Variants in ARHGAP26 observed in about 807,000 individuals in gnomAD.
The protein encoded by ARHGAP26 is Rho GTPase activating protein 26.
A neutral mutation model predicts 104.8 loss-of-function variants in ARHGAP26; 38 were observed. The ratio of observed to expected loss-of-function variants is 0.36; its 90% CI spans 0.28 to 0.48. ARHGAP26 has a LOEUF of 0.48. Among genes scored for constraint, ARHGAP26 ranks in the 20% least tolerant of loss-of-function variants. The pLI is 0.99. For missense variants in ARHGAP26, 704 were observed against 947.9 expected, an observed-to-expected ratio of 0.74 and a Z score of 3.38; for synonymous variants, 341 against 340.0, an observed-to-expected ratio of 1.00 and a Z score of -0.03.
chr5:143,166,220 C>A, intron 20 of ARHGAP26: 2 of 610,568 alleles, frequency 3.3e-6, no homozygotes, highest in Non-Finnish European at 2.3e-6. Context: ...CAAAAGCTCT[C>A]TGAGTAGCCG....
intron 22 of ARHGAP26, among the ~76,000 whole-genome samples, chr5:143,220,974 T>C (rs1185109316): frequency 6.6e-6 from 1 of 152,210 alleles, no homozygotes; most frequent in Non-Finnish European, 1.5e-5. Flanking sequence ...GTCATTTAAT[T>C]AGCCCAGGAA....
At chr5:142,997,040 A>G (rs1043844626) in intron 11 of ARHGAP26, among the ~76,000 whole-genome samples, 3 of 152,180 alleles carry the variant, frequency 2.0e-5, no homozygotes, top group Admixed American at 6.5e-5. Flanking sequence ...ACTGAACTCT[A>G]TTGTAGCACA....
chr5:143,103,294 A>G (rs1234994193), intron 17 of ARHGAP26: 1 of 950,572 alleles, frequency 1.1e-6, no homozygotes, highest in Admixed American at 6.2e-5. Context: ...TCAGGAAACA[A>G]CAGATGCTGG....
intron 11 of ARHGAP26, among the ~76,000 whole-genome samples, chr5:142,981,807 C>T (rs1399897851): frequency 1.3e-5 from 2 of 152,236 alleles, no homozygotes; most frequent in African/African-American, 4.8e-5. Context: ...GGTACCACCA[C>T]ACCCAAAGCC....
chr5:142,959,679 C>G (rs1769883118), intron 11 of ARHGAP26, among the ~76,000 whole-genome samples: 1 of 152,208 alleles, frequency 6.6e-6, no homozygotes, highest in South Asian at 2.1e-4. Context: ...AGAAAACTTC[C>G]TGCTTTTAAA....
At chr5:142,900,363 G>C (rs1598152706) in intron 6 of ARHGAP26, among the ~76,000 whole-genome samples, 2 of 152,152 alleles carry the variant, frequency 1.3e-5, no homozygotes, top group East Asian at 3.8e-4. Flanking sequence ...GGTGCCACTG[G>C]ATAGTTTTAT....
chr5:142,941,664 T>G (rs1044965320), intron 11 of ARHGAP26, among the ~76,000 whole-genome samples: 20 of 152,242 alleles, frequency 1.3e-4, no homozygotes, highest in African/African-American at 4.8e-4. Context: ...TAATATTCAC[T>G]TATGTCCTTG....
intron 12 of ARHGAP26, among the ~76,000 whole-genome samples, chr5:143,015,882 T>C (rs1053398106): frequency 4.6e-5 from 7 of 152,236 alleles, no homozygotes; most frequent in African/African-American, 1.7e-4. Flanking sequence ...CCCAACTGGT[T>C]CTGACATTTC....
chr5:143,159,170 C>T (rs182325539), intron 20 of ARHGAP26, among the ~76,000 whole-genome samples: 1 of 152,280 alleles, frequency 6.6e-6, no homozygotes, highest in East Asian at 1.9e-4. Flanking sequence ...ACAGCCAGAC[C>T]TTTCAGAAAT....
chr5:143,062,577 C>G (rs1786881134), intron 17 of ARHGAP26, among the ~76,000 whole-genome samples: 1 of 138,702 alleles, frequency 7.2e-6, no homozygotes, highest in African/African-American at 2.7e-5. Flanking sequence ...CCAGGCATCT[C>G]TGCAAATCAA....
At chr5:143,037,148 T>A (rs1423205816) in intron 12 of ARHGAP26, 48 bp from the exon 13 acceptor site, 1 of 1,533,108 alleles carries the variant, frequency 6.5e-7, no homozygotes, top group Admixed American at 1.7e-5. Flanking sequence ...TATCCTGAGG[T>A]TGATTTCCAT....
chr5:143,079,906 A>G (rs3822389), intron 17 of ARHGAP26, among the ~76,000 whole-genome samples: 85,233 of 152,036 alleles, frequency 0.56, 26,414 homozygotes, highest in Non-Finnish European at 0.71. Flanking sequence ...GTTGCCTCAC[A>G]TGGTCTTCTC....
rs565467366 is a variant in ARHGAP26, at chr5:143,114,209, C to T, written c.1539-6779C>T. On this transcript the variant is annotated intron_variant, in intron 17 of 22. Transcript: ENST00000645722. ...TGTTAAATGTGTTTGGTGAGCCAGG[C>T]CTCAGTCAGTACACAGAACGATGTA... 1.6e-4 allele frequency among the ~76,000 whole-genome samples: 25 copies of T among 152,304 alleles called. No individual in the cohort carries two copies. The South Asian group carries it at 5.0e-3, about 30-fold the overall frequency.
At chr5:142,946,110 A>G (rs1047313304) in intron 11 of ARHGAP26, among the ~76,000 whole-genome samples, 1 of 152,212 alleles carries the variant, frequency 6.6e-6, no homozygotes, top group Non-Finnish European at 1.5e-5. Context: ...ATACATTTCC[A>G]TAATCAAACC....
At chr5:143,041,562 GCTT>G (rs1783466133) in intron 13 of ARHGAP26, 3 of 374,350 alleles carry the variant, frequency 8.0e-6, no homozygotes, top group Non-Finnish European at 1.5e-5. Context: ...AGAAAGGAAA[GCTT>G]CTTTCGCCGC....
At chr5:142,866,237 C>A (rs1462461072) in intron 1 of ARHGAP26, among the ~76,000 whole-genome samples, 1 of 152,140 alleles carries the variant, frequency 6.6e-6, no homozygotes, top group Non-Finnish European at 1.5e-5. Flanking sequence ...CTTTTCATTT[C>A]TTTGAATACA....
rs545105267 is a variant in ARHGAP26, at chr5:143,211,874, A to G, written c.2100-2123A>G. On this transcript the variant is annotated intron_variant, in intron 21 of 22. Coordinates refer to ENST00000645722, the MANE Select transcript of ARHGAP26 (RefSeq NM_001135608.3). ...CTAGTTTGTTATTTTTTAACGTACT[A>G]TGTTATTGCCACTTCATTATTCAAT... is the stretch of plus-strand genomic sequence containing the variant. Among the ~76,000 whole-genome samples, 67 of 152,268 alleles carry G rather than the reference A, an allele frequency of 4.4e-4. No homozygotes were observed. In the Middle Eastern group the frequency reaches 0.01, roughly 23 times the overall value.
intron 12 of ARHGAP26, among the ~76,000 whole-genome samples, chr5:143,021,677 C>CATA (rs1780361435): frequency 6.6e-6 from 1 of 152,208 alleles, no homozygotes; most frequent in South Asian, 2.1e-4. Flanking sequence ...ACCCCTGCTT[C>CATA]ATAAACTCAT....
intron 17 of ARHGAP26, among the ~76,000 whole-genome samples, chr5:143,117,637 A>G (rs116560626): frequency 1.1e-3 from 161 of 152,362 alleles, no homozygotes; most frequent in African/African-American, 3.3e-3. Flanking sequence ...ATGCTGGGTA[A>G]CCTCAAGCTT....
Sources: gnomAD v4.1 joint callset for allele counts (sites outside exome capture counted in the v4.1 genomes callset) on GRCh38, gnomAD v4.1.1 for gene constraint, MANE v1.5 for transcripts, NCBI Gene and HGNC (gene_info 2026-07-23, HGNC 2026-07-21) for gene names.